Variants in DCBLD2 observed in about 807,000 individuals in gnomAD.
DCBLD2 encodes discoidin, CUB and LCCL domain containing 2.
In DCBLD2, 54 loss-of-function variants were observed where a neutral mutation model predicts 86.8. The ratio of observed to expected loss-of-function variants is 0.62; its 90% CI spans 0.50 to 0.78. The LOEUF (loss-of-function observed/expected upper bound fraction) is 0.78, where lower values mean the gene tolerates loss of function less well. Ranked by LOEUF, DCBLD2 falls within the 30% of genes least tolerant of loss-of-function variation. The pLI is 0.00. For synonymous variants in DCBLD2, 354 were observed against 341.3 expected (o/e 1.04, Z -0.41); for missense variants, 908 against 954.2 (o/e 0.95, Z 0.64).
intron 3 of DCBLD2, among the ~76,000 whole-genome samples, chr3:98,849,071 G>T (rs2454688): frequency 6.6e-6 from 1 of 151,746 alleles, no homozygotes; most frequent in African/African-American, 2.4e-5. Flanking sequence ...CAGGAGGCTG[G>T]GACAGGAGAA....
rs369665355 is a variant in DCBLD2 at position 98,799,724 on chromosome 3, C to T, written c.1976G>A (p.Gly659Glu). 8.1e-6 allele frequency: 13 copies of T among 1,613,838 alleles called. No individual in the cohort carries two copies. Among genetic ancestry groups the T allele is most frequent in the African/African-American group, 1.3e-5 (1 of 74,912 alleles). Reference protein sequence around the residue: ...YADLDPYNSPGQEVYHAYAEP... With the variant: ...YADLDPYNSPEQEVYHAYAEP... ...AGCATAGGCATGATAAACTTCCTGC[C>T]CTGGTGAGTTGTAAGGATCTAGGTC... is the stretch of plus-strand genomic sequence containing the variant. The change falls in exon 16 of 16, where the codon GGG (glycine) becomes GAG (glutamate). Residue 659 changes from glycine (G) to glutamate (E), a missense_variant. By Grantham distance (98) the Gly-to-Glu change is moderately conservative. This residue lies in a region of DCBLD2 where 606 missense variants were observed against 678.5 expected (regional missense o/e 0.89). Transcript: ENST00000326840.
chr3:98,834,213 A>G (rs1312297827), intron 3 of DCBLD2, among the ~76,000 whole-genome samples: 1 of 148,452 alleles, frequency 6.7e-6, no homozygotes, highest in Non-Finnish European at 1.5e-5. Context: ...TGGGGAGTAC[A>G]TATGATAACT....
At chr3:98,865,294 A>G (rs1162544930) in intron 2 of DCBLD2, among the ~76,000 whole-genome samples, 1 of 152,220 alleles carries the variant, frequency 6.6e-6, no homozygotes, top group African/African-American at 2.4e-5. Context: ...ATTAAAAAAA[A>G]AAGAAACCCT....
At chr3:98,832,975 TC>T (rs1273124639) in intron 3 of DCBLD2, among the ~76,000 whole-genome samples, 1 of 152,208 alleles carries the variant, frequency 6.6e-6, no homozygotes, top group Non-Finnish European at 1.5e-5. Context: ...TGTTGGCCTC[TC>T]TAGCGAGGCT....
chr3:98,892,768 C>T (rs1354289713), intron 1 of DCBLD2, among the ~76,000 whole-genome samples: 1 of 152,128 alleles, frequency 6.6e-6, no homozygotes, highest in African/African-American at 2.4e-5. Flanking sequence ...AACACTCTTC[C>T]TCCATGCATG....
intron 3 of DCBLD2, among the ~76,000 whole-genome samples, chr3:98,835,525 C>G (rs1220082931): frequency 6.7e-6 from 1 of 148,704 alleles, no homozygotes; most frequent in Admixed American, 6.7e-5. Context: ...TATCCATCCT[C>G]TCACTCCGTA....
At chr3:98,882,949 G>A (rs1467050225) in intron 1 of DCBLD2, among the ~76,000 whole-genome samples, 3 of 152,162 alleles carry the variant, frequency 2.0e-5, no homozygotes, top group Non-Finnish European at 2.9e-5. Flanking sequence ...TAATGGGATG[G>A]CTGGGTCAAA....
At chr3:98,894,654 G>A (rs1357345078) in intron 1 of DCBLD2, among the ~76,000 whole-genome samples, 1 of 152,112 alleles carries the variant, frequency 6.6e-6, no homozygotes, top group Admixed American at 6.6e-5. Context: ...TGAGCAAACA[G>A]GTAGTAAGGG....
intron 3 of DCBLD2, among the ~76,000 whole-genome samples, chr3:98,837,941 G>A (rs1344343627): frequency 1.5e-5 from 1 of 65,030 alleles, no homozygotes; most frequent in Admixed American, 1.3e-4. Context: ...TCTCCCTCCC[G>A]GATGGGGTGG....
intron 2 of DCBLD2, among the ~76,000 whole-genome samples, chr3:98,861,004 G>A (rs1199153066): frequency 6.6e-6 from 1 of 152,112 alleles, no homozygotes; most frequent in Non-Finnish European, 1.5e-5. Flanking sequence ...GACACACATA[G>A]GCTCAAAATA....
Position 98,881,628 on chromosome 3 carries a change from A to G in DCBLD2, c.345T>C (p.Phe115=). 6.2e-7 allele frequency: 1 copy of G among 1,614,008 alleles called. No homozygotes were observed. The highest frequency in any genetic ancestry group is 8.5e-7 in the Non-Finnish European group (1 of 1,179,884). The stretch of plus-strand genomic sequence containing the variant: ...CAGAATCTTCAATGTCAAAGTCACC[A>G]AATTTGATGCGAACTCTCTCTCCCA... ...VKMGERVRIK[F]GDFDIEDSDS... Residue 115 remains phenylalanine, a synonymous_variant, in exon 2 of 16, where the codon TTT becomes TTC. Transcript: ENST00000326840.
At chr3:98,819,471 G>A (rs1200973679) in intron 7 of DCBLD2, 54 bp from the exon 8 acceptor site, 1 of 1,575,870 alleles carries the variant, frequency 6.3e-7, no homozygotes, top group African/African-American at 1.3e-5. Context: ...CAAAATGCAT[G>A]TAGACCTGCT....
intron 3 of DCBLD2, among the ~76,000 whole-genome samples, chr3:98,838,057 A>C (rs1203541136): frequency 2.9e-4 from 28 of 95,424 alleles, no homozygotes; most frequent in East Asian, 6.8e-4. Flanking sequence ...TGACCCCCCC[A>C]CCTCCCTCCC....
In DCBLD2 at chr3:98,900,797, G is replaced by C. The variant is rs151274365; in HGVS notation, c.205+325C>G. 1.5e-3 allele frequency: 608 copies of C among 392,334 alleles called. 2 individuals carry two copies. Among genetic ancestry groups the C allele is most frequent in the Middle Eastern group, 3.2e-3 (4 of 1,260 alleles). The allele number at this position is 392,334 out of a possible 1,614,324, so 24.3% of individuals were successfully genotyped here. On this transcript the variant is annotated intron_variant, in intron 1 of 15. Transcript: ENST00000326840. ...CATCCATCCGTGCAGCTTAACTTTA[G>C]GGGTCATTACCTCCAAAGGTTCTTT...
At chr3:98,886,445 G>A (rs1007756000) in intron 1 of DCBLD2, among the ~76,000 whole-genome samples, 1 of 151,866 alleles carries the variant, frequency 6.6e-6, no homozygotes, top group African/African-American at 2.4e-5. Flanking sequence ...ACTACTCTTG[G>A]AAAAAACAAC....
At chr3:98,877,531 T>C (rs949732205) in intron 2 of DCBLD2, among the ~76,000 whole-genome samples, 1 of 152,186 alleles carries the variant, frequency 6.6e-6, no homozygotes, top group Non-Finnish European at 1.5e-5. Flanking sequence ...TGCATTAGTA[T>C]TAAAGGTATC....
intron 2 of DCBLD2, among the ~76,000 whole-genome samples, chr3:98,872,706 T>A (rs1306195768): frequency 2.0e-5 from 3 of 151,996 alleles, no homozygotes; most frequent in African/African-American, 7.3e-5. Flanking sequence ...ACAGGCATTT[T>A]AAAAAGTATA....
intron 8 of DCBLD2, among the ~76,000 whole-genome samples, chr3:98,818,604 T>A (rs1036743568): frequency 6.6e-6 from 1 of 152,146 alleles, no homozygotes; most frequent in Non-Finnish European, 1.5e-5. Context: ...TTTGAGTCAG[T>A]GGACTAGGAC....
intron 2 of DCBLD2, among the ~76,000 whole-genome samples, chr3:98,867,695 G>A (rs1170271306): frequency 6.6e-6 from 1 of 152,082 alleles, no homozygotes; most frequent in Non-Finnish European, 1.5e-5. Flanking sequence ...CCTTATAATG[G>A]CAGGAGAGTT....
Sources: gnomAD v4.1 joint callset for allele counts (sites outside exome capture counted in the v4.1 genomes callset) on GRCh38, gnomAD v4.1.1 for gene constraint, gnomAD v4.1.1 regional missense constraint, MANE v1.5 for transcripts, NCBI Gene and HGNC (gene_info 2026-07-23, HGNC 2026-07-21) for gene names.